Variants in WDR17 observed in about 807,000 individuals in gnomAD.
The protein encoded by WDR17 is WD repeat-containing protein 17.
A neutral mutation model predicts 161.7 loss-of-function variants in WDR17; 143 were observed. The observed-to-expected ratio is 0.88, with a 90% CI of 0.77 to 1.02. The LOEUF is 1.02. Ranked by LOEUF, WDR17 falls within the 50% of genes least tolerant of loss-of-function variation. The pLI, the probability that WDR17 is intolerant of heterozygous loss-of-function variation, is 0.00. For missense variants in WDR17, 1,469 were observed against 1,520.9 expected, an observed-to-expected ratio of 0.97 and a Z score of 0.57; for synonymous variants, 517 against 515.6, an observed-to-expected ratio of 1.00 and a Z score of -0.04.
chr4:176,178,247 T>A (rs1010442900), intron 28 of WDR17, among the ~76,000 whole-genome samples: 1 of 152,144 alleles, frequency 6.6e-6, no homozygotes, highest in Non-Finnish European at 1.5e-5. Context: ...TCTCAAAACA[T>A]AACCAGTATC....
chr4:176,122,414 AC>A (rs199583233), intron 4 of WDR17, among the ~76,000 whole-genome samples: 1,777 of 152,238 alleles, frequency 0.012, 19 homozygotes, highest in Non-Finnish European at 0.019. Flanking sequence ...ACCCATAACA[AC>A]CCAATACAGA....
At chr4:176,177,177 A>C in intron 27 of WDR17, 21 bp downstream of exon 27, 1 of 1,596,630 alleles carries the variant, frequency 6.3e-7, no homozygotes, top group Admixed American at 1.7e-5. Context: ...ATGATATAAA[A>C]ATTGGAATGC....
At chr4:176,138,228 G>T (rs1163306597) in intron 9 of WDR17, among the ~76,000 whole-genome samples, 2 of 151,660 alleles carry the variant, frequency 1.3e-5, no homozygotes, top group Non-Finnish European at 3.0e-5. Context: ...ATCTAAGATT[G>T]TCTGTGTCTT....
intron 23 of WDR17, among the ~76,000 whole-genome samples, chr4:176,170,801 G>A (rs10520336): frequency 0.033 from 5,094 of 152,258 alleles, 265 homozygotes; most frequent in African/African-American, 0.11. Context: ...GTGAGTATGT[G>A]TAAAAGTGTT....
rs2126630295 is a variant in WDR17 at position 176,091,837 on chromosome 4, C to G, written c.-6-19738C>G. On this transcript the variant is annotated intron_variant, in intron 1 of 28. Coordinates refer to ENST00000508596, the MANE Select transcript of WDR17 (RefSeq NM_181265.4). ...AAAGGTTCATTGAAAATACTATTAG[C>G]AATTACATGTCAATAAATTAGAAAA... Among the ~76,000 whole-genome samples the G allele has an allele frequency of 1.3e-5, 2 of 152,110 alleles. 1 individual carries two copies.
chr4:176,146,147 G>T lies in WDR17; in HGVS notation c.1682G>T (p.Gly561Val). 1 of 1,612,810 alleles carries T rather than the reference G, an allele frequency of 6.2e-7. No homozygotes were observed. Among genetic ancestry groups the T allele is most frequent in the Non-Finnish European group, 8.5e-7 (1 of 1,179,390 alleles). Residue 561 changes from glycine to valine, a missense_variant, in exon 12 of 29, where the codon GGT becomes GTT. Gly to Val is a moderately radical substitution (Grantham distance 109). Coordinates refer to ENST00000508596, the MANE Select transcript of WDR17 (RefSeq NM_181265.4). ...SPLREGILCS[G>V]SDDGTVRIWD... ...CTGAGAGAGGGAATTCTTTGCAGTG[G>T]TTCTGATGATGGGTATGTATTTTTG...
At chr4:176,095,136 C>G (rs145880123) in intron 1 of WDR17, among the ~76,000 whole-genome samples, 36 of 152,034 alleles carry the variant, frequency 2.4e-4, no homozygotes, top group Non-Finnish European at 4.3e-4. Flanking sequence ...GATGGCAGGA[C>G]TTAGATAAAG....
chr4:176,141,480 A>G (rs1745246298), intron 10 of WDR17, among the ~76,000 whole-genome samples: 1 of 152,200 alleles, frequency 6.6e-6, no homozygotes, highest in African/African-American at 2.4e-5. Context: ...CTCAGGCTGG[A>G]GTGCAGTGGT....
chr4:176,170,888 C>A (rs1750641580), intron 23 of WDR17, among the ~76,000 whole-genome samples: 1 of 152,120 alleles, frequency 6.6e-6, no homozygotes, highest in Non-Finnish European at 1.5e-5. Flanking sequence ...TATCATAAGT[C>A]AAAAATATTC....
At chr4:176,069,017 G>A (rs900880045) in intron 1 of WDR17, among the ~76,000 whole-genome samples, 8 of 152,096 alleles carry the variant, frequency 5.3e-5, no homozygotes, top group East Asian at 3.8e-4. Context: ...TTCCCATCAC[G>A]ATTAATTAGA....
At chr4:176,089,694 G>T (rs1412653939) in intron 1 of WDR17, among the ~76,000 whole-genome samples, 2 of 152,016 alleles carry the variant, frequency 1.3e-5, no homozygotes, top group Non-Finnish European at 2.9e-5. Flanking sequence ...AGCTTTTTTT[G>T]CATTTCCTCA....
At chr4:176,148,669 T>C (rs1746587924) in intron 13 of WDR17, among the ~76,000 whole-genome samples, 2 of 152,210 alleles carry the variant, frequency 1.3e-5, no homozygotes, top group African/African-American at 4.8e-5. Flanking sequence ...CTTTTGTTTT[T>C]CTCCCTTCCA....
intron 10 of WDR17, among the ~76,000 whole-genome samples, chr4:176,141,444 A>G (rs1431851781): frequency 6.6e-6 from 1 of 152,160 alleles, no homozygotes; most frequent in African/African-American, 2.4e-5. Flanking sequence ...TCTATAAGAA[A>G]AAGCGTTTTT....
intron 4 of WDR17, 116 bp from the exon 5 acceptor site, chr4:176,124,987 AT>A: frequency 8.4e-7 from 1 of 1,193,028 alleles, no homozygotes; most frequent in South Asian, 1.5e-5. Flanking sequence ...TAAGCACCAC[AT>A]TTGTATTTTC....
At chr4:176,147,391 T>A (rs1432717972) in intron 12 of WDR17, among the ~76,000 whole-genome samples, 2 of 152,228 alleles carry the variant, frequency 1.3e-5, no homozygotes, top group Non-Finnish European at 2.9e-5. Flanking sequence ...GTAACATTTG[T>A]ACAATCAATA....
intron 1 of WDR17, among the ~76,000 whole-genome samples, chr4:176,100,533 T>C (rs1487009051): frequency 6.6e-6 from 1 of 152,136 alleles, no homozygotes; most frequent in Non-Finnish European, 1.5e-5. Flanking sequence ...ATTCTGCAGG[T>C]TGTGTGTTCT....
At position 176,116,090 on chromosome 4, in the gene WDR17, G is replaced by A. The variant is rs1740580808; in HGVS notation, c.307+111G>A. 7 of 1,081,794 alleles carry A rather than the reference G, an allele frequency of 6.5e-6. No individual in the cohort carries two copies. The Admixed American group carries it at 1.6e-4, about 25-fold the overall frequency. 67.0% of individuals were successfully genotyped at this position (1,081,794 alleles called of 1,614,324 possible). A position where few individuals can be genotyped will look rare whatever the true frequency, so the allele number is the denominator to read the frequency against. The stretch of plus-strand genomic sequence containing the variant: ...AATGTTGTTTTCAAACTTCTTAATG[G>A]TAATCTGTATAAGAAATAAATTTCA... On this transcript the variant is annotated intron_variant, in intron 3 of 28. Transcript: ENST00000508596.
chr4:176,101,154 G>A (rs145402632), intron 1 of WDR17, among the ~76,000 whole-genome samples: 136 of 152,194 alleles, frequency 8.9e-4, no homozygotes, highest in East Asian at 3.1e-3. Context: ...TGTCCAGAGC[G>A]TAACTCTGGG....
chr4:176,124,170 G>T (rs569769799), intron 4 of WDR17, among the ~76,000 whole-genome samples: 12 of 152,218 alleles, frequency 7.9e-5, no homozygotes, highest in African/African-American at 2.6e-4. Context: ...CTTCCTTTAC[G>T]ATACTTATGA....
Sources: gnomAD v4.1 joint callset for allele counts (sites outside exome capture counted in the v4.1 genomes callset) on GRCh38, gnomAD v4.1.1 for gene constraint, MANE v1.5 for transcripts, NCBI Gene and HGNC (gene_info 2026-07-23, HGNC 2026-07-21) for gene names.